CMSS1: variants seen among roughly 807,000 people sequenced by gnomAD.
CMSS1 encodes cms1 ribosomal small subunit homolog, also known as protein CMSS1.
In CMSS1, 33 loss-of-function variants were observed where a neutral mutation model predicts 43.5. The ratio of observed to expected loss-of-function variants is 0.76; its 90% confidence interval spans 0.57 to 1.01. The LOEUF (loss-of-function observed/expected upper bound fraction) is 1.01, where lower values mean the gene tolerates loss of function less well. Ranked by LOEUF, CMSS1 falls within the 50% of genes least tolerant of loss-of-function variation. The pLI, the probability that CMSS1 is intolerant of heterozygous loss-of-function variation, is 0.00. For missense variants in CMSS1, 313 were observed against 326.4 expected (o/e 0.96, Z 0.32); for synonymous variants, 115 against 117.2 (o/e 0.98, Z 0.12).
intron 1 of CMSS1, among the ~76,000 whole-genome samples, chr3:99,841,446 C>T (rs1353183011): frequency 1.3e-5 from 2 of 152,222 alleles, no homozygotes; most frequent in Non-Finnish European, 2.9e-5. Context: ...AAAAGGTCCT[C>T]TCTCGGAAGT....
intron 1 of CMSS1, among the ~76,000 whole-genome samples, chr3:99,889,055 G>A (rs964992670): frequency 2.0e-5 from 3 of 152,016 alleles, no homozygotes; most frequent in Admixed American, 6.6e-5. Context: ...TTTTGTTCAG[G>A]TTCTCTATCT....
At chr3:100,092,228 A>G (rs936478302) in intron 1 of CMSS1, among the ~76,000 whole-genome samples, 3 of 152,190 alleles carry the variant, frequency 2.0e-5, no homozygotes, top group Non-Finnish European at 4.4e-5. Context: ...ATTCTATAAC[A>G]GTATTAAATA....
chr3:100,010,108 C>A (rs1301223506), intron 1 of CMSS1: 1 of 914,668 alleles, frequency 1.1e-6, no homozygotes. Context: ...TCACTTTTTT[C>A]TTTCTGTCTC....
At position 99,883,234 on chromosome 3, in the gene CMSS1, G is replaced by A. The variant is rs547158951; in HGVS notation, c.64+65191G>A. Among the ~76,000 whole-genome samples the A allele has an allele frequency of 2.5e-4, 38 of 152,304 alleles. 1 individual carries two copies. In the South Asian group the frequency reaches 7.7e-3, roughly 31 times the overall value. ...CAGAGATTTTTTACTTCCCCAGCAA[G>A]TCCATTCCATTCCAAACTGAGAACT... On this transcript the variant is annotated intron_variant, in intron 1 of 9. Coordinates refer to ENST00000421999, the MANE Select transcript of CMSS1 (RefSeq NM_032359.4).
chr3:99,843,935 G>T (rs1026830903), intron 1 of CMSS1, among the ~76,000 whole-genome samples: 1 of 152,196 alleles, frequency 6.6e-6, no homozygotes. Context: ...CTCTTTATGA[G>T]ACTCTAGCTA....
chr3:100,104,442 A>C (rs543064176), intron 1 of CMSS1, among the ~76,000 whole-genome samples: 3 of 152,316 alleles, frequency 2.0e-5, no homozygotes, highest in African/African-American at 7.2e-5. Flanking sequence ...TACTCCAGAA[A>C]GATGTAGCAA....
intron 1 of CMSS1, among the ~76,000 whole-genome samples, chr3:99,821,970 C>A (rs1942447181): frequency 6.6e-6 from 1 of 152,028 alleles, no homozygotes; most frequent in South Asian, 2.1e-4. Flanking sequence ...TGCTTGAACC[C>A]AGGAGGTGGA....
chr3:99,946,314 T>C (rs539521832), intron 1 of CMSS1, among the ~76,000 whole-genome samples: 1 of 152,354 alleles, frequency 6.6e-6, no homozygotes, highest in Admixed American at 6.5e-5. Flanking sequence ...ACTCAGTCAA[T>C]GAATAGAAAA....
chr3:99,859,290 C>T (rs575873960), intron 1 of CMSS1, among the ~76,000 whole-genome samples: 25 of 152,342 alleles, frequency 1.6e-4, no homozygotes, highest in African/African-American at 5.5e-4. Flanking sequence ...TCCCCAAAAC[C>T]TGCCTGTATT....
intron 1 of CMSS1, among the ~76,000 whole-genome samples, chr3:99,861,588 T>C (rs1004440392): frequency 1.3e-5 from 2 of 152,182 alleles, no homozygotes; most frequent in Admixed American, 6.5e-5. Flanking sequence ...TTCTTCTGTA[T>C]CTTGTCTGTT....
intron 1 of CMSS1, among the ~76,000 whole-genome samples, chr3:99,921,719 A>G (rs992420534): frequency 1.3e-5 from 2 of 152,238 alleles, no homozygotes; most frequent in Non-Finnish European, 1.5e-5. Context: ...GAAACTTTAT[A>G]TCCTATAAAG....
chr3:99,931,035 A>G, intron 1 of CMSS1: 2 of 1,608,128 alleles, frequency 1.2e-6, no homozygotes, highest in Admixed American at 3.4e-5. Flanking sequence ...TAAAGCCTGG[A>G]AGGAGGGAAG....
In CMSS1 at chr3:99,985,340, C is replaced by T. The variant is rs373141447; in HGVS notation, c.65-161633C>T. On this transcript the variant is annotated intron_variant, in intron 1 of 9. Coordinates refer to ENST00000421999, the MANE Select transcript of CMSS1 (RefSeq NM_032359.4). ...TGAGCCCAGGAGTTCAAGACCAGCC[C>T]GAACAACATGGCGAAACCTCATCTC... Among the ~76,000 whole-genome samples the T allele has an allele frequency of 1.6e-4, 24 of 151,950 alleles. No individual in the cohort carries two copies. The East Asian group carries it at 2.9e-3, about 19-fold the overall frequency.
chr3:100,147,091 T>A, intron 2 of CMSS1, 30 bp downstream of exon 2: 4 of 1,611,222 alleles, frequency 2.5e-6, no homozygotes, highest in Non-Finnish European at 3.4e-6. Flanking sequence ...GAGCCACCAC[T>A]GTTAAATTCT....
intron 1 of CMSS1, among the ~76,000 whole-genome samples, chr3:100,111,186 C>T: frequency 6.6e-6 from 1 of 152,200 alleles, no homozygotes; most frequent in Non-Finnish European, 1.5e-5. Flanking sequence ...GGGTAAGGAC[C>T]TAGAAGGGCA....
At chr3:99,986,283 T>G (rs1219867299) in intron 1 of CMSS1, among the ~76,000 whole-genome samples, 1 of 152,214 alleles carries the variant, frequency 6.6e-6, no homozygotes, top group African/African-American at 2.4e-5. Context: ...CAGGAACAGG[T>G]GTTTTTTCAT....
intron 1 of CMSS1, among the ~76,000 whole-genome samples, chr3:99,968,121 C>G (rs1351567742): frequency 6.6e-6 from 1 of 152,114 alleles, no homozygotes; most frequent in East Asian, 1.9e-4. Flanking sequence ...ATCAAGGGCA[C>G]CTAGCCTTAC....
At chr3:99,890,739 TC>T (rs1283077557) in intron 1 of CMSS1, among the ~76,000 whole-genome samples, 11 of 152,098 alleles carry the variant, frequency 7.2e-5, no homozygotes, top group Non-Finnish European at 1.3e-4. Flanking sequence ...TTTTTTTTTT[TC>T]TGACATATTA....
Position 100,135,162 on chromosome 3 carries a change from T to C in CMSS1, c.65-11811T>C, listed in dbSNP as rs372761291. ...CTATTCCAAGAATGAAGAATTTATA[T>C]AGCAATGCTTCCAAATGTACAAGTA... is the stretch of plus-strand genomic sequence containing the variant. On this transcript the variant is annotated intron_variant, in intron 1 of 9. Transcript: ENST00000421999. Among the ~76,000 whole-genome samples, 16 of 152,324 alleles carry C rather than the reference T, an allele frequency of 1.1e-4. No homozygotes were observed. In the East Asian group the frequency reaches 3.1e-3, roughly 29 times the overall value.
Sources: gnomAD v4.1 joint callset for allele counts (sites outside exome capture counted in the v4.1 genomes callset) on GRCh38, gnomAD v4.1.1 for gene constraint, MANE v1.5 for transcripts, NCBI Gene and HGNC (gene_info 2026-07-23, HGNC 2026-07-21) for gene names.